The following KPNA1 variants were observed in gnomAD, a reference collection of about 807,000 sequenced individuals.
KPNA1 encodes the protein importin subunit alpha-5.
Under a neutral mutation model 70.5 loss-of-function variants are expected in KPNA1, and 10 were observed. That is an observed-to-expected ratio of 0.14 (90% CI 0.09 to 0.24). The LOEUF (loss-of-function observed/expected upper bound fraction) is 0.24, where lower values mean the gene tolerates loss of function less well. KPNA1 is among the 10% of genes least tolerant of loss of function. The probability of loss-of-function intolerance (pLI) is 1.00; values close to 1 mark genes in which losing one functional copy is unlikely to be tolerated. For missense variants in KPNA1, 397 were observed against 637.9 expected (o/e 0.62, Z 4.07); for synonymous variants, 192 against 221.9 (o/e 0.87, Z 1.20).
chr3:122,471,626 G>A (rs1356448208), intron 2 of KPNA1, among the ~76,000 whole-genome samples: 4 of 152,032 alleles, frequency 2.6e-5, no homozygotes, highest in Non-Finnish European at 4.4e-5. Flanking sequence ...CAGATCACAC[G>A]AGGCCAAGAG....
chr3:122,480,278 A>G (rs900044069), intron 2 of KPNA1, among the ~76,000 whole-genome samples: 4 of 110,828 alleles, frequency 3.6e-5, no homozygotes, highest in Non-Finnish European at 8.6e-5. Context: ...TAAACTATAG[A>G]CTTTGGGTGA....
intron 11 of KPNA1, among the ~76,000 whole-genome samples, chr3:122,436,528 T>C (rs2075990958): frequency 6.6e-6 from 1 of 152,234 alleles, no homozygotes; most frequent in Non-Finnish European, 1.5e-5. Context: ...TCTTTCCCTT[T>C]ATTTCTCAGA....
chr3:122,513,433 T>C (rs2076978157), intron 1 of KPNA1, among the ~76,000 whole-genome samples: 1 of 152,228 alleles, frequency 6.6e-6, no homozygotes, highest in African/African-American at 2.4e-5. Flanking sequence ...AATTAAATTT[T>C]CATCTCTTTG....
At chr3:122,430,515 A>AGTGTGTGTGTGT (rs10662409) in intron 12 of KPNA1, among the ~76,000 whole-genome samples, 1,811 of 141,444 alleles carry the variant, frequency 0.013, 10 homozygotes, top group African/African-American at 0.024. Flanking sequence ...CTGTACTACC[A>AGTGTGTGTGTGT]GTGTGTGTGT....
At chr3:122,481,150 T>A (rs1222918972) in intron 2 of KPNA1, among the ~76,000 whole-genome samples, 1 of 152,246 alleles carries the variant, frequency 6.6e-6, no homozygotes, top group Non-Finnish European at 1.5e-5. Context: ...ACTCTCAGTA[T>A]ACTGTACTAA....
chr3:122,501,179 C>T (rs937108405), intron 1 of KPNA1, among the ~76,000 whole-genome samples: 2 of 151,782 alleles, frequency 1.3e-5, no homozygotes, highest in Non-Finnish European at 2.9e-5. Context: ...CAGGCGACTG[C>T]CATCACACCC....
chr3:122,452,894 G>C (rs2076227002), intron 6 of KPNA1, among the ~76,000 whole-genome samples: 1 of 152,090 alleles, frequency 6.6e-6, no homozygotes, highest in Non-Finnish European at 1.5e-5. Flanking sequence ...AGAAAACAGT[G>C]AACAAAAAGA....
chr3:122,481,453 T>C (rs554760764), intron 2 of KPNA1, among the ~76,000 whole-genome samples: 49 of 152,288 alleles, frequency 3.2e-4, no homozygotes, highest in African/African-American at 1.1e-3. Context: ...TCCACTTATA[T>C]GAAATGTCCA....
chr3:122,471,052 G>A (rs544106252), intron 2 of KPNA1, among the ~76,000 whole-genome samples: 13 of 152,218 alleles, frequency 8.5e-5, no homozygotes, highest in African/African-American at 2.9e-4. Flanking sequence ...GGTTGTTGGG[G>A]AATGTTAATT....
At chr3:122,427,409 CAGA>C (rs1363707492) in intron 13 of KPNA1, 126 bp downstream of exon 13, 43 of 936,154 alleles carry the variant, frequency 4.6e-5, no homozygotes, top group Non-Finnish European at 6.6e-5. Context: ...ATCCAGTCTG[CAGA>C]AGCAGCAATT....
rs1460475197 is a variant in KPNA1, at chr3:122,449,604, C to T, written c.887G>A (p.Gly296Glu). 1.8e-5 allele frequency: 29 copies of T among 1,613,688 alleles called. No homozygotes were observed. The highest frequency in any genetic ancestry group is 2.5e-5 in the Non-Finnish European group (29 of 1,179,840). Residue 296 changes from glycine (G) to glutamate (E), a missense_variant, in exon 9 of 14, where the codon GGA becomes GAA. Coordinates refer to ENST00000344337, the MANE Select transcript of KPNA1 (RefSeq NM_002264.4). Reference sequence around the variant, plus strand: ...CAGTTCCACAAGTCTCCTACATACTCCCGCATCGATGACCGCTTGAATTTT... The same window carrying T: ...CAGTTCCACAAGTCTCCTACATACTTCCGCATCGATGACCGCTTGAATTTT... Reference protein sequence around the residue: ...NDKIQAVIDAGVCRRLVELLM... With the variant: ...NDKIQAVIDAEVCRRLVELLM...
At chr3:122,487,830 T>C (rs1171670144) in intron 2 of KPNA1, among the ~76,000 whole-genome samples, 1 of 152,182 alleles carries the variant, frequency 6.6e-6, no homozygotes, top group Non-Finnish European at 1.5e-5. Flanking sequence ...TAGATATATG[T>C]TATATAACAA....
intron 2 of KPNA1, among the ~76,000 whole-genome samples, chr3:122,479,603 T>C (rs1244595133): frequency 6.6e-6 from 1 of 151,744 alleles, no homozygotes; most frequent in Non-Finnish European, 1.5e-5. Context: ...CTACTAAAAA[T>C]ACAAAAATTA....
At chr3:122,459,992 G>C (rs952972168) in intron 5 of KPNA1, 9 of 985,434 alleles carry the variant, frequency 9.1e-6, no homozygotes, top group Non-Finnish European at 1.1e-5. Flanking sequence ...TCCAGCCTTA[G>C]AGTAAAGAAC....
At chr3:122,496,709 CCTGT>C in intron 1 of KPNA1, 139 bp from the exon 2 acceptor site, 1 of 695,128 alleles carries the variant, frequency 1.4e-6, no homozygotes, top group Non-Finnish European at 2.4e-6. Context: ...CTCCCCCACT[CCTGT>C]CTTTTTTGAG....
chr3:122,435,389 C>T (rs770164402), intron 11 of KPNA1, among the ~76,000 whole-genome samples: 7 of 152,032 alleles, frequency 4.6e-5, no homozygotes, highest in Non-Finnish European at 7.4e-5. Context: ...AATACAAAGA[C>T]AAAAGTAAAA....
intron 2 of KPNA1, among the ~76,000 whole-genome samples, chr3:122,493,309 C>A (rs1045041741): frequency 6.6e-6 from 1 of 151,792 alleles, no homozygotes. Flanking sequence ...GCCTTCCCAT[C>A]CTTTTAGTCT....
At chr3:122,492,845 T>C (rs934618470) in intron 2 of KPNA1, among the ~76,000 whole-genome samples, 2 of 152,206 alleles carry the variant, frequency 1.3e-5, no homozygotes, top group Admixed American at 1.3e-4. Flanking sequence ...TCATTCACAC[T>C]GAACTGCTGT....
intron 3 of KPNA1, among the ~76,000 whole-genome samples, chr3:122,466,808 C>T (rs1026320240): frequency 6.6e-6 from 1 of 151,946 alleles, no homozygotes; most frequent in Non-Finnish European, 1.5e-5. Flanking sequence ...AGGAGTTCAC[C>T]TGGGCAACAC....
Sources: allele counts gnomAD v4.1 joint callset (sites outside exome capture counted in the v4.1 genomes callset), GRCh38; gene constraint gnomAD v4.1.1; transcripts MANE v1.5; gene names NCBI Gene and HGNC (gene_info 2026-07-23, HGNC 2026-07-21).